Variants in TNFSF12 observed in about 807,000 individuals in gnomAD.
TNFSF12 encodes tumor necrosis factor ligand superfamily member 12.
A neutral mutation model predicts 31.2 loss-of-function variants in TNFSF12; 16 were observed. The ratio of observed to expected loss-of-function variants is 0.51; its 90% CI spans 0.35 to 0.78. TNFSF12 has a LOEUF of 0.78. Among genes scored for constraint, TNFSF12 ranks in the 30% least tolerant of loss-of-function variants. TNFSF12 has a pLI of 0.01. For missense variants in TNFSF12, 324 were observed against 338.8 expected, an observed-to-expected ratio of 0.96 and a Z score of 0.34; for synonymous variants, 150 against 151.4, an observed-to-expected ratio of 0.99 and a Z score of 0.07.
chr17:7,550,776 A>C lies in TNFSF12; in HGVS notation c.284-23A>C, dbSNP rs764139517. The C allele has an allele frequency of 4.1e-5, 65 of 1,602,862 alleles. No individual in the cohort carries two copies. The highest frequency in any genetic ancestry group is 5.1e-5 in the Non-Finnish European group (60 of 1,170,800). On this transcript the variant is annotated intron_variant, in intron 3 of 6. Transcript: ENST00000293825. This position sits in a 1 kb window ranked among gnomAD's most constrained non-coding sequence, Gnocchi z 4.4. ...ACCCCCACTAGGGCCCGCTTTGCTC[A>C]TCTGTCTTTCCTTGATCCTCAGCAC...
Position 7,550,971 on chromosome 17 carries a change from G to T in TNFSF12, c.366G>T (p.Ala122=). 1 of 1,613,804 alleles carries T rather than the reference G, an allele frequency of 6.2e-7. No individual in the cohort carries two copies. The highest frequency in any genetic ancestry group is 1.1e-5 in the South Asian group (1 of 91,056). The change falls in exon 5 of 7, where the codon GCG becomes GCT. Residue 122 remains alanine (A), a synonymous_variant. Transcript: ENST00000293825. This position sits in a 1 kb window ranked among gnomAD's most constrained non-coding sequence, Gnocchi z 4.4. ...EVHPRPGQDG[A]QAGVDGTVSG... is the part of the protein sequence containing the mutation. Reference sequence around the variant, plus strand: ...ATCCACGACCTGGACAGGACGGAGCGCAGGCAGGTGAGACCCCATCCCCCG... The same window carrying T: ...ATCCACGACCTGGACAGGACGGAGCTCAGGCAGGTGAGACCCCATCCCCCG...
chr17:7,549,783 T>G lies in TNFSF12; in HGVS notation c.207+262T>G. 1 of 610,202 alleles carries G rather than the reference T, an allele frequency of 1.6e-6. No homozygotes were observed. The allele number at this position is 610,202 out of a possible 1,614,324, so 37.8% of individuals were successfully genotyped here. A position where few individuals can be genotyped will look rare whatever the true frequency, so the allele number is the denominator to read the frequency against. On this transcript the variant is annotated intron_variant, in intron 2 of 6. Transcript: ENST00000293825. The surrounding 1 kb of genome is among the most constrained non-coding windows in gnomAD (Gnocchi z 4.1). The stretch of plus-strand genomic sequence containing the variant: ...GACGTGGTTGTATAAGATATGTGAG[T>G]CTGCGTGGAAGAGGGGTGCGGTTGT...
chr17:7,550,113 C>G lies in TNFSF12; in HGVS notation c.208-7C>G, dbSNP rs2070983662. 8.1e-6 allele frequency: 13 copies of G among 1,613,946 alleles called. No homozygotes were observed. The highest frequency in any genetic ancestry group is 3.3e-5 in the Admixed American group (2 of 59,986). On this transcript the variant is annotated splice_region_variant and splice_polypyrimidine_tract_variant and intron_variant, in intron 2 of 6. Coordinates refer to ENST00000293825, the MANE Select transcript of TNFSF12 (RefSeq NM_003809.3). This position sits in a 1 kb window ranked among gnomAD's most constrained non-coding sequence, Gnocchi z 4.4. ...TCTGTGGTTGAACCCTGCCCTAATT[C>G]CCCTAGGAACTGAATCCCCAGACAG...
chr17:7,550,085 G>T lies in TNFSF12; in HGVS notation c.208-35G>T. On this transcript the variant is annotated intron_variant, in intron 2 of 6. Coordinates refer to ENST00000293825, the MANE Select transcript of TNFSF12 (RefSeq NM_003809.3). The surrounding 1 kb of genome is among the most constrained non-coding windows in gnomAD (Gnocchi z 4.4). ...CGTATGTCTCACTTTATATCTCTGG[G>T]AGTCTGTGGTTGAACCCTGCCCTAA... is the stretch of plus-strand genomic sequence containing the variant. 1 of 1,613,988 alleles carries T rather than the reference G, an allele frequency of 6.2e-7. No individual in the cohort carries two copies. The highest frequency in any genetic ancestry group is 8.5e-7 in the Non-Finnish European group (1 of 1,179,962).
In TNFSF12 at chr17:7,550,582, T is replaced by C. The variant is rs2070989905; in HGVS notation, c.284-217T>C. Among the ~76,000 whole-genome samples, 1 of 152,120 alleles carries C rather than the reference T, an allele frequency of 6.6e-6. No homozygotes were observed. Among genetic ancestry groups the C allele is most frequent in the South Asian group, 2.1e-4 (1 of 4,834 alleles). ...CCACCTGTTATCTCGGTGTGATTAA[T>C]AGCAGCTTCCCGTTTTGCTCTCAGC... On this transcript the variant is annotated intron_variant, in intron 3 of 6. Coordinates refer to ENST00000293825, the MANE Select transcript of TNFSF12 (RefSeq NM_003809.3). This position sits in a 1 kb window ranked among gnomAD's most constrained non-coding sequence, Gnocchi z 4.4.
Position 7,550,975 on chromosome 17 carries a change from G to T in TNFSF12, c.370G>T (p.Ala124Ser). ...HPRPGQDGAQAGVDGTVSGWE... is the reference protein window; with the variant it reads ...HPRPGQDGAQSGVDGTVSGWE... Reference sequence around the variant, plus strand: ...ACGACCTGGACAGGACGGAGCGCAGGCAGGTGAGACCCCATCCCCCGACAC... The same window carrying T: ...ACGACCTGGACAGGACGGAGCGCAGTCAGGTGAGACCCCATCCCCCGACAC... The change falls in exon 5 of 7, where the codon GCA becomes TCA. Residue 124 changes from alanine to serine, a missense_variant. By Grantham distance (99) the Ala-to-Ser change is moderately conservative. Transcript: ENST00000293825. This position sits in a 1 kb window ranked among gnomAD's most constrained non-coding sequence, Gnocchi z 4.4. 1 of 1,613,750 alleles carries T rather than the reference G, an allele frequency of 6.2e-7. No individual in the cohort carries two copies.
At position 7,550,327 on chromosome 17, in the gene TNFSF12, G is replaced by A. The variant is rs1236737119; in HGVS notation, c.283+132G>A. 2.9e-6 allele frequency: 4 copies of A among 1,378,190 alleles called. No homozygotes were observed. The highest frequency in any genetic ancestry group is 4.0e-6 in the Non-Finnish European group (4 of 999,190). 85.4% of individuals were successfully genotyped at this position (1,378,190 alleles called of 1,614,324 possible). On this transcript the variant is annotated intron_variant, in intron 3 of 6. Coordinates refer to ENST00000293825, the MANE Select transcript of TNFSF12 (RefSeq NM_003809.3). The surrounding 1 kb of genome is among the most constrained non-coding windows in gnomAD (Gnocchi z 4.4). ...TAACCAGCCAAGACTCAAACCTAGG[G>A]ATTCTCGCCCTCCTCTGAAGCTCCT...
At chr17:7,555,996 T>TTTTTTTTTTTTTTTTTTTTTTTTTTC (rs1234246565) in intron 5 of TNFSF12, among the ~76,000 whole-genome samples, 1 of 146,756 alleles carries the variant, frequency 6.8e-6, no homozygotes, top group Non-Finnish European at 1.5e-5. Context: ...TTTTTTTTTT[T>TTTTTTTTTTTTTTTTTTTTTTTTTTC]TGGAGACAGA....
Position 7,550,133 on chromosome 17 carries a change from A to C in TNFSF12, c.221A>C (p.Gln74Pro). 2 of 1,614,096 alleles carry C rather than the reference A, an allele frequency of 1.2e-6. No homozygotes were observed. Among genetic ancestry groups the C allele is most frequent in the South Asian group, 2.2e-5 (2 of 91,082 alleles). The change falls in exon 3 of 7, where the codon CAG (glutamine) becomes CCG (proline). Residue 74 changes from glutamine (Q) to proline (P), a missense_variant. Gln to Pro is a moderately conservative substitution (Grantham distance 76). Transcript: ENST00000293825. This position sits in a 1 kb window ranked among gnomAD's most constrained non-coding sequence, Gnocchi z 4.4. ...EDQDPSELNP[Q>P]TEESQDPAPF... is the part of the protein sequence containing the mutation. ...TAATTCCCCTAGGAACTGAATCCCC[A>C]GACAGAAGAAAGCCAGGATCCTGCG... is the stretch of plus-strand genomic sequence containing the variant.
chr17:7,554,180 C>T (rs1257416893), intron 5 of TNFSF12, among the ~76,000 whole-genome samples: 1 of 152,168 alleles, frequency 6.6e-6, no homozygotes, highest in Non-Finnish European at 1.5e-5. Context: ...GCCTTCCTCC[C>T]CTCTGTATAG....
chr17:7,555,691 T>G (rs1173237893), intron 5 of TNFSF12, among the ~76,000 whole-genome samples: 1 of 152,046 alleles, frequency 6.6e-6, no homozygotes, highest in Non-Finnish European at 1.5e-5. Flanking sequence ...GGAGGCAGGA[T>G]AGATAGGAAC....
intron 5 of TNFSF12, chr17:7,553,712 G>A: frequency 7.7e-7 from 1 of 1,292,420 alleles, no homozygotes; most frequent in Non-Finnish European, 1.0e-6. Context: ...CTGGTGCAGG[G>A]GTGAGGGGTC....
At chr17:7,553,485 G>C in intron 5 of TNFSF12, 1 of 496,698 alleles carries the variant, frequency 2.0e-6, no homozygotes, top group South Asian at 1.6e-5. Flanking sequence ...TGTACTGAGG[G>C]CTTTCTTGAG....
At chr17:7,551,098 G>A (rs1302420212) in intron 5 of TNFSF12, 120 bp downstream of exon 5, 1 of 1,534,182 alleles carries the variant, frequency 6.5e-7, no homozygotes, top group Non-Finnish European at 8.8e-7. Flanking sequence ...GTTCATGAAG[G>A]TCTTGGTTCT....
chr17:7,551,073 G>A (rs2070996938), intron 5 of TNFSF12, 95 bp downstream of exon 5: 1 of 1,590,444 alleles, frequency 6.3e-7, no homozygotes, highest in African/African-American at 1.3e-5. Flanking sequence ...ATCAGTCTCA[G>A]AACCACAGAA....
In TNFSF12 at chr17:7,557,518, A is replaced by G. The variant is rs1251028832; in HGVS notation, c.*168A>G. ...CGTGTTTTCCATCCCACATAAATAC[A>G]GTATTCCCACTCTTATCTTACAACT... On this transcript the variant is annotated 3_prime_UTR_variant, in exon 7 of 7. Coordinates refer to ENST00000293825, the MANE Select transcript of TNFSF12 (RefSeq NM_003809.3). The surrounding 1 kb of genome is among the most constrained non-coding windows in gnomAD (Gnocchi z 5.2). The G allele has an allele frequency of 5.4e-6, 5 of 922,032 alleles. No individual in the cohort carries two copies. Among genetic ancestry groups the G allele is most frequent in the Non-Finnish European group, 7.8e-6 (5 of 637,476 alleles). The allele number at this position is 922,032 out of a possible 1,614,324, so 57.1% of individuals were successfully genotyped here.
intron 5 of TNFSF12, among the ~76,000 whole-genome samples, chr17:7,554,307 CTTTTTTT>C (rs67090485): frequency 0.048 from 3,537 of 73,396 alleles, 159 homozygotes; most frequent in East Asian, 0.32. Context: ...TATCCAGACT[CTTTTTTT>C]TTTTTTTTTT....
rs2150904207 is a variant in TNFSF12, at chr17:7,549,457, T to C, written c.160-17T>C. ...CAGGTGGAGCGGCACAGGGTGACGC[T>C]CCCTCCTTCCCAGCAGGAGCCTGCC... is the stretch of plus-strand genomic sequence containing the variant. On this transcript the variant is annotated splice_polypyrimidine_tract_variant and intron_variant, in intron 1 of 6. Coordinates refer to ENST00000293825, the MANE Select transcript of TNFSF12 (RefSeq NM_003809.3). The surrounding 1 kb of genome is among the most constrained non-coding windows in gnomAD (Gnocchi z 4.1). 6.6e-7 allele frequency: 1 copy of C among 1,504,620 alleles called. No individual in the cohort carries two copies. The highest frequency in any genetic ancestry group is 9.0e-7 in the Non-Finnish European group (1 of 1,115,592). The allele number at this position is 1,504,620 out of a possible 1,614,324, so 93.2% of individuals were successfully genotyped here.
At position 7,549,404 on chromosome 17, in the gene TNFSF12, A is replaced by T; in HGVS notation, c.160-70A>T. 1 of 1,422,314 alleles carries T rather than the reference A, an allele frequency of 7.0e-7. No homozygotes were observed. Among genetic ancestry groups the T allele is most frequent in the Admixed American group, 2.6e-5 (1 of 38,936 alleles). The allele number at this position is 1,422,314 out of a possible 1,614,324, so 88.1% of individuals were successfully genotyped here. A position where few individuals can be genotyped will look rare whatever the true frequency, so the allele number is the denominator to read the frequency against. On this transcript the variant is annotated intron_variant, in intron 1 of 6. Transcript: ENST00000293825. This position sits in a 1 kb window ranked among gnomAD's most constrained non-coding sequence, Gnocchi z 4.1. ...GGCCGCGTGGGCTGAAGGCAAGGGG[A>T]AGGGAGGATGGGTGGAGGGTGAGAT...
Sources: gnomAD v4.1 joint callset for allele counts (sites outside exome capture counted in the v4.1 genomes callset) on GRCh38, gnomAD v4.1.1 for gene constraint, Gnocchi (gnomAD v3.1) non-coding constraint, MANE v1.5 for transcripts, NCBI Gene and HGNC (gene_info 2026-07-23, HGNC 2026-07-21) for gene names.